The following COP1 variants were observed in gnomAD, a reference collection of about 807,000 sequenced individuals.
COP1 encodes COP1 E3 ubiquitin ligase.
COP1 carries 24 observed loss-of-function variants against 101.3 expected under a neutral mutation model. The observed-to-expected ratio is 0.24, with a 90% CI of 0.17 to 0.33. COP1 has a LOEUF of 0.33. Ranked by LOEUF, COP1 falls within the 10% of genes least tolerant of loss-of-function variation. The pLI, the probability that COP1 is intolerant of heterozygous loss-of-function variation, is 1.00. For missense variants in COP1, 663 were observed against 906.2 expected, an observed-to-expected ratio of 0.73 and a Z score of 3.45; for synonymous variants, 347 against 341.9, an observed-to-expected ratio of 1.01 and a Z score of -0.17.
intron 2 of COP1, 88 bp downstream of exon 2, chr1:176,184,545 G>T: frequency 1.8e-6 from 2 of 1,110,688 alleles, no homozygotes; most frequent in Non-Finnish European, 2.6e-6. Flanking sequence ...ATCAAAGTTG[G>T]TTTAAAACAC....
chr1:175,999,703 T>G (rs941258496), intron 15 of COP1, among the ~76,000 whole-genome samples: 2 of 152,044 alleles, frequency 1.3e-5, no homozygotes, highest in African/African-American at 4.8e-5. Context: ...TTCATAGTGG[T>G]TGTACCAATT....
intron 8 of COP1, chr1:176,133,917 TAC>T (rs34010407): frequency 0.4 from 178,975 of 449,110 alleles, 36,587 homozygotes; most frequent in Middle Eastern, 0.46. Context: ...GATAACAATA[TAC>T]ACAGACCAAG....
chr1:176,202,122 T>C (rs7411796), intron 1 of COP1, among the ~76,000 whole-genome samples: 1 of 151,602 alleles, frequency 6.6e-6, no homozygotes, highest in South Asian at 2.1e-4. Flanking sequence ...ACATTCCACA[T>C]ACATTGCTGC....
chr1:175,967,094 T>G (rs1652163974), intron 18 of COP1, among the ~76,000 whole-genome samples: 1 of 152,222 alleles, frequency 6.6e-6, no homozygotes, highest in South Asian at 2.1e-4. Flanking sequence ...AGTGGATTTC[T>G]AAAGGGCCTA....
intron 1 of COP1, among the ~76,000 whole-genome samples, chr1:176,188,547 T>C (rs535306228): frequency 4.6e-5 from 7 of 152,274 alleles, no homozygotes; most frequent in African/African-American, 7.2e-5. Flanking sequence ...AGCGAGTCTG[T>C]TGGCAGCTCA....
At chr1:176,206,543 G>A (rs1700874310) in intron 1 of COP1, 29 bp downstream of exon 1, 7 of 1,595,748 alleles carry the variant, frequency 4.4e-6, no homozygotes, top group South Asian at 2.2e-5. Flanking sequence ...ATAATTTAGG[G>A]ACAAGGAGGG....
intron 18 of COP1, among the ~76,000 whole-genome samples, chr1:175,953,922 A>C (rs1417380437): frequency 6.6e-6 from 1 of 152,194 alleles, no homozygotes; most frequent in African/African-American, 2.4e-5. Flanking sequence ...CATATAAAAG[A>C]CTTAAACAAT....
chr1:176,206,428 C>T (rs2102336775), intron 1 of COP1, 144 bp downstream of exon 1: 1 of 910,440 alleles, frequency 1.1e-6, no homozygotes, highest in Non-Finnish European at 1.6e-6. Context: ...CCTGCAAACG[C>T]TCGATTCCCT....
chr1:176,004,577 G>C (rs565491015), intron 15 of COP1, among the ~76,000 whole-genome samples: 1 of 152,156 alleles, frequency 6.6e-6, no homozygotes. Flanking sequence ...GTTGCATTTT[G>C]TTGAAGGCTT....
chr1:175,998,083 AAAAAAAAG>A lies in COP1; in HGVS notation c.1730-8612_1730-8605del, dbSNP rs1285673618. ...ATAATTAAAAAAAAAAAAAAAAAAA[AAAAAAAAG>A]AAAATGTGGCACATATACACCATGG... is the stretch of plus-strand genomic sequence containing the variant. On this transcript the variant is annotated intron_variant, in intron 15 of 19. Coordinates refer to ENST00000367669, the MANE Select transcript of COP1 (RefSeq NM_022457.7). 5.9e-3 allele frequency among the ~76,000 whole-genome samples: 852 copies of A among 144,478 alleles called. 4 individuals carry two copies. The highest frequency in any genetic ancestry group is 9.3e-3 in the Non-Finnish European group (610 of 65,940). The allele number at this position is 144,478 out of a possible 152,430, so 94.8% of individuals were successfully genotyped here.
intron 15 of COP1, among the ~76,000 whole-genome samples, chr1:176,011,868 C>G (rs964993920): frequency 3.9e-5 from 6 of 152,118 alleles, no homozygotes; most frequent in African/African-American, 1.4e-4. Flanking sequence ...GTACACAAAC[C>G]TACTGCATTG....
intron 14 of COP1, among the ~76,000 whole-genome samples, chr1:176,032,757 T>C (rs555441550): frequency 6.6e-6 from 1 of 152,128 alleles, no homozygotes; most frequent in African/African-American, 2.4e-5. Context: ...AAGAGACATC[T>C]ACTGGTCACA....
chr1:176,138,051 G>A (rs923172776), intron 6 of COP1, among the ~76,000 whole-genome samples: 1 of 152,016 alleles, frequency 6.6e-6, no homozygotes, highest in African/African-American at 2.4e-5. Context: ...GGTAAGAAGA[G>A]GACTAGATAA....
At chr1:175,958,670 G>GA (rs1219704135) in intron 18 of COP1, among the ~76,000 whole-genome samples, 1 of 151,360 alleles carries the variant, frequency 6.6e-6, no homozygotes, top group East Asian at 1.9e-4. Context: ...CTCAGAATGA[G>GA]AATAAATAAT....
intron 18 of COP1, among the ~76,000 whole-genome samples, chr1:175,950,532 G>C (rs2148487388): frequency 6.6e-6 from 1 of 152,274 alleles, no homozygotes; most frequent in East Asian, 1.9e-4. Context: ...TGGATGACTG[G>C]TAATTCCTAG....
intron 18 of COP1, among the ~76,000 whole-genome samples, chr1:175,970,971 G>GT (rs1240371269): frequency 6.6e-6 from 1 of 152,138 alleles, no homozygotes; most frequent in African/African-American, 2.4e-5. Flanking sequence ...ACATAAAGCT[G>GT]TTAGAAGTAA....
At chr1:176,110,026 AT>A (rs950250915) in intron 9 of COP1, among the ~76,000 whole-genome samples, 11 of 152,060 alleles carry the variant, frequency 7.2e-5, no homozygotes, top group Non-Finnish European at 1.5e-4. Flanking sequence ...GAGTGCACTG[AT>A]TTTTTAACAC....
intron 18 of COP1, among the ~76,000 whole-genome samples, chr1:175,960,514 G>A (rs1053155656): frequency 1.3e-5 from 2 of 152,136 alleles, no homozygotes; most frequent in Non-Finnish European, 2.9e-5. Flanking sequence ...CAAAGGGGCA[G>A]GAAGCAAAAC....
intron 2 of COP1, among the ~76,000 whole-genome samples, chr1:176,176,445 T>C (rs1385654340): frequency 2.0e-5 from 3 of 152,092 alleles, no homozygotes; most frequent in East Asian, 1.9e-4. Context: ...TCAATAAACA[T>C]GAGAAAACCA....
Sources: gnomAD v4.1 joint callset for allele counts (sites outside exome capture counted in the v4.1 genomes callset) on GRCh38, gnomAD v4.1.1 for gene constraint, MANE v1.5 for transcripts, NCBI Gene and HGNC (gene_info 2026-07-23, HGNC 2026-07-21) for gene names.